The following FAM171A1 variants were observed in gnomAD, a reference collection of about 807,000 sequenced individuals.
FAM171A1 encodes the protein family with sequence similarity 171 member A1, also known as protein FAM171A1.
A neutral mutation model predicts 74.9 loss-of-function variants in FAM171A1; 23 were observed. The ratio of observed to expected loss-of-function variants is 0.31; its 90% CI spans 0.22 to 0.44. FAM171A1 has a LOEUF of 0.44. FAM171A1 is among the 20% of genes least tolerant of loss of function. The pLI is 1.00. For missense variants in FAM171A1, 1,162 were observed against 1,159.2 expected (o/e 1.00, Z -0.03); for synonymous variants, 527 against 505.7 (o/e 1.04, Z -0.57).
At chr10:15,296,012 T>C (rs1835157096) in intron 1 of FAM171A1, among the ~76,000 whole-genome samples, 3 of 152,226 alleles carry the variant, frequency 2.0e-5, no homozygotes, top group Admixed American at 2.0e-4. Flanking sequence ...CCCATGTTAC[T>C]TGGTGTTAGA....
At chr10:15,258,201 C>A (rs1254257626) in intron 3 of FAM171A1, among the ~76,000 whole-genome samples, 1 of 152,064 alleles carries the variant, frequency 6.6e-6, no homozygotes, top group East Asian at 1.9e-4. Flanking sequence ...GCTGCGATTA[C>A]AAGTGCCCAC....
At chr10:15,312,937 C>T (rs956015191) in intron 1 of FAM171A1, among the ~76,000 whole-genome samples, 21 of 151,958 alleles carry the variant, frequency 1.4e-4, no homozygotes, top group African/African-American at 4.6e-4. Flanking sequence ...TCAGGTGATC[C>T]ACCCTCCTCG....
At chr10:15,257,589 G>T (rs1043054547) in intron 3 of FAM171A1, among the ~76,000 whole-genome samples, 4 of 152,164 alleles carry the variant, frequency 2.6e-5, no homozygotes, top group Non-Finnish European at 4.4e-5. Flanking sequence ...ATCTGCTGGG[G>T]CTGGGGGCTG....
At chr10:15,327,451 A>G (rs2131854489) in intron 1 of FAM171A1, among the ~76,000 whole-genome samples, 1 of 152,282 alleles carries the variant, frequency 6.6e-6, no homozygotes, top group East Asian at 1.9e-4. Context: ...GTAGTTCAAG[A>G]CCAGTGTGGG....
intron 4 of FAM171A1, among the ~76,000 whole-genome samples, chr10:15,249,807 A>C (rs913347040): frequency 6.6e-6 from 1 of 152,248 alleles, no homozygotes; most frequent in African/African-American, 2.4e-5. Flanking sequence ...CTACAGATAA[A>C]TTAGAGAATG....
chr10:15,248,918 T>A, intron 4 of FAM171A1, 103 bp from the exon 5 acceptor site: 1 of 1,048,166 alleles, frequency 9.5e-7, no homozygotes. Context: ...ACCTCCTATA[T>A]GCCAGGGACT....
intron 5 of FAM171A1, among the ~76,000 whole-genome samples, chr10:15,236,653 A>C (rs11259567): frequency 0.12 from 17,838 of 152,200 alleles, 1,080 homozygotes; most frequent in Middle Eastern, 0.17. Context: ...ATAATATTCT[A>C]CCTTCTAATT....
At chr10:15,244,218 G>C (rs2131751223) in intron 5 of FAM171A1, among the ~76,000 whole-genome samples, 1 of 152,276 alleles carries the variant, frequency 6.6e-6, no homozygotes, top group South Asian at 2.1e-4. Context: ...AGCCTGGGGT[G>C]GTGGTGGGCA....
At chr10:15,307,049 T>G (rs1002831847) in intron 1 of FAM171A1, among the ~76,000 whole-genome samples, 1 of 152,310 alleles carries the variant, frequency 6.6e-6, no homozygotes, top group East Asian at 1.9e-4. Context: ...TCCAGGGTAC[T>G]GTGGAAAGGC....
intron 3 of FAM171A1, 24 bp from the exon 4 acceptor site, chr10:15,254,903 A>G (rs767456470): frequency 6.2e-7 from 1 of 1,605,326 alleles, no homozygotes; most frequent in Non-Finnish European, 8.5e-7. Context: ...CCTCCGAGTT[A>G]TCTCCCCCAG....
At chr10:15,259,745 A>G (rs1486014056) in intron 3 of FAM171A1, among the ~76,000 whole-genome samples, 4 of 152,038 alleles carry the variant, frequency 2.6e-5, no homozygotes, top group African/African-American at 4.8e-5. Flanking sequence ...GCCTACCTCA[A>G]AATAGATGCC....
chr10:15,249,351 A>T (rs1326246429), intron 4 of FAM171A1, among the ~76,000 whole-genome samples: 1 of 152,148 alleles, frequency 6.6e-6, no homozygotes, highest in Non-Finnish European at 1.5e-5. Flanking sequence ...CTGCCTTGGC[A>T]ATCCCAGGCC....
chr10:15,234,825 A>AT (rs1441078931), intron 5 of FAM171A1, among the ~76,000 whole-genome samples: 58 of 150,724 alleles, frequency 3.8e-4, no homozygotes, highest in Middle Eastern at 3.4e-3. Context: ...GCTAATTTTT[A>AT]TTTATTTTTT....
upstream of FAM171A1, among the ~76,000 whole-genome samples, chr10:15,372,950 C>A (rs1171101235): frequency 6.6e-6 from 1 of 152,210 alleles, no homozygotes; most frequent in Non-Finnish European, 1.5e-5. Context: ...GGAAAATCCA[C>A]TCCAGACCCA....
At chr10:15,265,751 C>T (rs952606276) in intron 3 of FAM171A1, among the ~76,000 whole-genome samples, 6 of 151,736 alleles carry the variant, frequency 4.0e-5, no homozygotes, top group Admixed American at 1.3e-4. Context: ...CTGGCAGGAC[C>T]GAGATGATGA....
At chr10:15,367,465 C>T (rs1389501504) in intron 1 of FAM171A1, among the ~76,000 whole-genome samples, 2 of 152,346 alleles carry the variant, frequency 1.3e-5, no homozygotes, top group East Asian at 3.9e-4. Flanking sequence ...TGCAAGGAAG[C>T]CCAGCGGCCT....
At chr10:15,295,771 C>A (rs559804961) in intron 1 of FAM171A1, among the ~76,000 whole-genome samples, 1 of 152,316 alleles carries the variant, frequency 6.6e-6, no homozygotes, top group Admixed American at 6.5e-5. Flanking sequence ...AATGCTCTCA[C>A]CCCAAGTAGC....
At chr10:15,217,100 T>C (rs888092491) in intron 6 of FAM171A1, among the ~76,000 whole-genome samples, 3 of 152,188 alleles carry the variant, frequency 2.0e-5, no homozygotes, top group African/African-American at 7.2e-5. Context: ...TTAGAACTTA[T>C]ACATAAGGTT....
intron 1 of FAM171A1, among the ~76,000 whole-genome samples, chr10:15,368,348 T>C (rs1465123116): frequency 6.6e-6 from 1 of 152,200 alleles, no homozygotes; most frequent in Non-Finnish European, 1.5e-5. Context: ...ACTCATTTAA[T>C]CAAAAAGGTG....
Sources: gnomAD v4.1 joint callset for allele counts (sites outside exome capture counted in the v4.1 genomes callset) on GRCh38, gnomAD v4.1.1 for gene constraint, MANE v1.5 for transcripts, NCBI Gene and HGNC (gene_info 2026-07-23, HGNC 2026-07-21) for gene names.